Variants in XPO7 observed in about 807,000 individuals in gnomAD.
XPO7 encodes exportin 7.
XPO7 carries 21 observed loss-of-function variants against 144.3 expected under a neutral mutation model. That is an observed-to-expected ratio of 0.15 (90% CI 0.10 to 0.21). XPO7 has a LOEUF of 0.21. XPO7 is among the 10% of genes least tolerant of loss of function. XPO7 has a pLI of 1.00. For missense variants in XPO7, 808 were observed against 1,325.8 expected (o/e 0.61, Z 6.06); for synonymous variants, 580 against 499.6 (o/e 1.16, Z -2.15).
At chr8:21,920,721 A>T (rs1810252931) in intron 1 of XPO7, among the ~76,000 whole-genome samples, 1 of 152,118 alleles carries the variant, frequency 6.6e-6, no homozygotes, top group Non-Finnish European at 1.5e-5. Flanking sequence ...TGTGCCAGAG[A>T]TCTGATATTT....
intron 1 of XPO7, among the ~76,000 whole-genome samples, chr8:21,937,526 CCTCTGTTCCCAT>C (rs1359530385): frequency 6.6e-6 from 1 of 152,174 alleles, no homozygotes; most frequent in Admixed American, 6.5e-5. Context: ...TGGCTGTTTC[CCTCTGTTCCCAT>C]CACTGCTTCT....
At chr8:21,992,158 T>A (rs1460381869) in intron 19 of XPO7, among the ~76,000 whole-genome samples, 184 bp downstream of exon 19, 1 of 152,214 alleles carries the variant, frequency 6.6e-6, no homozygotes, top group Non-Finnish European at 1.5e-5. Context: ...TACAATGTAT[T>A]TACTTAAGTA....
At position 21,989,492 on chromosome 8, in the gene XPO7, C is replaced by G. The variant is rs140785399; in HGVS notation, c.1868+409C>G. On this transcript the variant is annotated intron_variant, in intron 16 of 27. Coordinates refer to ENST00000252512, the MANE Select transcript of XPO7 (RefSeq NM_015024.5). ...GATTGAAGTGATGACTATGCTTCCT[C>G]TTGACTTGAATTAGGTCTGCTATAA... Among the ~76,000 whole-genome samples, 1,245 of 152,310 alleles carry G rather than the reference C, an allele frequency of 8.2e-3. 53 individuals are homozygous for G. Among genetic ancestry groups the G allele is most frequent in the Admixed American group, 0.073 (1,117 of 15,288 alleles).
intron 1 of XPO7, among the ~76,000 whole-genome samples, chr8:21,961,816 C>T (rs906109134): frequency 2.0e-5 from 3 of 151,890 alleles, no homozygotes; most frequent in African/African-American, 7.3e-5. Context: ...GCACACGCCA[C>T]CACATTCAAC....
chr8:22,002,025 CCCTAATGGATCT>C, intron 24 of XPO7, 75 bp from the exon 25 acceptor site: 3 of 1,471,866 alleles, frequency 2.0e-6, no homozygotes, highest in Non-Finnish European at 2.7e-6. Flanking sequence ...GGCCACGGTA[CCCTAATGGATCT>C]CACCCAAAGA....
intron 1 of XPO7, among the ~76,000 whole-genome samples, chr8:21,958,934 C>T (rs1368596850): frequency 6.8e-6 from 1 of 146,904 alleles, no homozygotes; most frequent in Non-Finnish European, 1.5e-5. Flanking sequence ...ACACTCCAGC[C>T]TGGGTGACAG....
chr8:21,952,103 A>G (rs984062866), intron 1 of XPO7, among the ~76,000 whole-genome samples: 17 of 152,210 alleles, frequency 1.1e-4, no homozygotes, highest in African/African-American at 4.1e-4. Context: ...CTCAAAAAAC[A>G]TGCCACTTTA....
At chr8:21,984,914 T>A in intron 12 of XPO7, 75 bp downstream of exon 12, 2 of 1,476,654 alleles carry the variant, frequency 1.4e-6, no homozygotes, top group Non-Finnish European at 1.8e-6. Context: ...CATTGCCACC[T>A]CTTTCCTACC....
At chr8:21,926,064 C>T (rs1810449781) in intron 1 of XPO7, among the ~76,000 whole-genome samples, 1 of 151,910 alleles carries the variant, frequency 6.6e-6, no homozygotes, top group African/African-American at 2.4e-5. Flanking sequence ...CATTATTAGT[C>T]AAATGTTGAT....
chr8:21,927,083 CAG>C (rs1937603995), intron 1 of XPO7, among the ~76,000 whole-genome samples: 1 of 152,112 alleles, frequency 6.6e-6, no homozygotes, highest in African/African-American at 2.4e-5. Context: ...ACCTGAGCAA[CAG>C]GGAGTATTTA....
intron 5 of XPO7, among the ~76,000 whole-genome samples, chr8:21,974,424 C>T (rs1812163348): frequency 6.6e-6 from 1 of 152,134 alleles, no homozygotes; most frequent in South Asian, 2.1e-4. Flanking sequence ...TAAGAATTTG[C>T]AGCAGAGATT....
chr8:21,934,760 G>C (rs1407449896), intron 1 of XPO7, among the ~76,000 whole-genome samples: 1 of 152,152 alleles, frequency 6.6e-6, no homozygotes, highest in Non-Finnish European at 1.5e-5. Flanking sequence ...GAATATGATG[G>C]ATTGCTATGC....
chr8:21,983,724 C>A (rs1454082972), intron 11 of XPO7, among the ~76,000 whole-genome samples: 2 of 152,168 alleles, frequency 1.3e-5, no homozygotes, highest in African/African-American at 2.4e-5. Context: ...GCAAGTTGCT[C>A]CATTTCTGTA....
chr8:22,004,073 A>G (rs757303309), intron 27 of XPO7, 43 bp downstream of exon 27: 2 of 1,608,402 alleles, frequency 1.2e-6, no homozygotes, highest in Admixed American at 1.7e-5. Context: ...GACAATTGCT[A>G]TTTTTCAAAT....
At chr8:21,937,332 T>C (rs1354377043) in intron 1 of XPO7, among the ~76,000 whole-genome samples, 2 of 152,350 alleles carry the variant, frequency 1.3e-5, no homozygotes, top group South Asian at 2.1e-4. Context: ...TGATCTGTTA[T>C]GTTTCAGGCT....
chr8:21,922,309 CTT>C (rs59272400), intron 1 of XPO7, among the ~76,000 whole-genome samples: 11,656 of 152,180 alleles, frequency 0.077, 603 homozygotes, highest in Middle Eastern at 0.12. Flanking sequence ...TGCTATAAAA[CTT>C]TAGTAATGGG....
At chr8:21,944,921 G>A (rs7824244) in intron 1 of XPO7, among the ~76,000 whole-genome samples, 33,164 of 152,118 alleles carry the variant, frequency 0.22, 5,267 homozygotes, top group African/African-American at 0.45. Context: ...GCACGGGGAT[G>A]GGGGTAAGGT....
chr8:21,963,796 A>C (rs955589897), intron 1 of XPO7, among the ~76,000 whole-genome samples: 2 of 152,206 alleles, frequency 1.3e-5, no homozygotes, highest in African/African-American at 2.4e-5. Flanking sequence ...TATAACATCT[A>C]ATGTACCAAC....
chr8:21,927,696 C>T (rs1052254577), intron 1 of XPO7, among the ~76,000 whole-genome samples: 1 of 152,196 alleles, frequency 6.6e-6, no homozygotes, highest in African/African-American at 2.4e-5. Context: ...CAGGCATGCA[C>T]CACCACGCCC....
Sources: gnomAD v4.1 joint callset for allele counts (sites outside exome capture counted in the v4.1 genomes callset) on GRCh38, gnomAD v4.1.1 for gene constraint, MANE v1.5 for transcripts, NCBI Gene and HGNC (gene_info 2026-07-23, HGNC 2026-07-21) for gene names.